WDR41: variants seen among roughly 807,000 people sequenced by gnomAD.
The protein encoded by WDR41 is WD repeat-containing protein 41.
In WDR41, 63 loss-of-function variants were observed where a neutral mutation model predicts 69.3. The observed-to-expected ratio is 0.91, with a 90% confidence interval of 0.74 to 1.12. The LOEUF (loss-of-function observed/expected upper bound fraction) is 1.12, where lower values mean the gene tolerates loss of function less well. Ranked by LOEUF, WDR41 falls within the 50% of genes most tolerant of loss-of-function variation. The pLI is 0.00. For synonymous variants in WDR41, 185 were observed against 192.1 expected, an observed-to-expected ratio of 0.96 and a Z score of 0.31; for missense variants, 543 against 534.5, an observed-to-expected ratio of 1.02 and a Z score of -0.16.
At chr5:77,508,986 A>G (rs1802155933) in intron 1 of WDR41, among the ~76,000 whole-genome samples, 1 of 152,146 alleles carries the variant, frequency 6.6e-6, no homozygotes, top group Non-Finnish European at 1.5e-5. Context: ...CCTGTGGTAT[A>G]AATGGTTCTA....
intron 1 of WDR41, among the ~76,000 whole-genome samples, chr5:77,541,435 T>C (rs1407528170): frequency 1.3e-5 from 2 of 150,792 alleles, no homozygotes; most frequent in African/African-American, 4.9e-5. Flanking sequence ...TGGCTATTAT[T>C]AAAAAGTCAG....
Position 77,464,370 on chromosome 5 carries a change from C to T in WDR41, c.216+391G>A, listed in dbSNP as rs192222043. Among the ~76,000 whole-genome samples, 17 of 145,966 alleles carry T rather than the reference C, an allele frequency of 1.2e-4. No homozygotes were observed. The East Asian group carries it at 3.0e-3, about 26-fold the overall frequency. On this transcript the variant is annotated intron_variant, in intron 3 of 12. Coordinates refer to ENST00000296679, the MANE Select transcript of WDR41 (RefSeq NM_018268.4). Reference sequence around the variant, plus strand: ...TCGGCTCACTGCAACCTCAGTCTCCCGAGTAACTGGGATTACAGGCATGTG... The same window carrying T: ...TCGGCTCACTGCAACCTCAGTCTCCTGAGTAACTGGGATTACAGGCATGTG...
intron 1 of WDR41, among the ~76,000 whole-genome samples, chr5:77,572,401 C>A (rs1466390623): frequency 1.3e-5 from 2 of 152,180 alleles, no homozygotes; most frequent in African/African-American, 2.4e-5. Flanking sequence ...TAAAAGCTCT[C>A]AAGAGTATTC....
At chr5:77,464,166 T>C (rs1161060550) in intron 3 of WDR41, among the ~76,000 whole-genome samples, 1 of 152,198 alleles carries the variant, frequency 6.6e-6, no homozygotes, top group African/African-American at 2.4e-5. Flanking sequence ...CATTTATTCA[T>C]TTTGGAAGTC....
At chr5:77,492,135 T>C (rs753909568) in intron 1 of WDR41, 35 bp downstream of exon 1, 28 of 1,600,868 alleles carry the variant, frequency 1.7e-5, no homozygotes, top group Non-Finnish European at 2.4e-5. Flanking sequence ...TCCAGCAAGC[T>C]CGACGGACGC....
chr5:77,478,642 T>C (rs1211547017), intron 2 of WDR41, among the ~76,000 whole-genome samples: 7 of 152,116 alleles, frequency 4.6e-5, no homozygotes, highest in Non-Finnish European at 1.5e-5. Flanking sequence ...ATGCTAAAAA[T>C]TCTCAATAAA....
intron 1 of WDR41, among the ~76,000 whole-genome samples, chr5:77,605,724 G>A (rs1744403499): frequency 6.6e-6 from 1 of 152,214 alleles, no homozygotes; most frequent in East Asian, 1.9e-4. Context: ...TAGGGCCCTC[G>A]TGGTTCCTGC....
At chr5:77,477,358 C>A (rs1333509018) in intron 2 of WDR41, among the ~76,000 whole-genome samples, 208 of 144,014 alleles carry the variant, frequency 1.4e-3, no homozygotes, top group African/African-American at 5.5e-3. Flanking sequence ...CACCCCAAAT[C>A]AACAGAATAT....
chr5:77,451,815 A>C (rs1799638452), intron 6 of WDR41: 1 of 154,874 alleles, frequency 6.5e-6, no homozygotes, highest in African/African-American at 2.4e-5. Context: ...GCCTTCAAAT[A>C]GCATGTTTGT....
intron 2 of WDR41, among the ~76,000 whole-genome samples, chr5:77,474,852 C>T (rs978406567): frequency 1.3e-5 from 2 of 152,132 alleles, no homozygotes; most frequent in Non-Finnish European, 2.9e-5. Context: ...TCTACAGCTC[C>T]CAGCGTGAGC....
chr5:77,542,491 AT>A, intron 1 of WDR41, among the ~76,000 whole-genome samples: 1 of 152,212 alleles, frequency 6.6e-6, no homozygotes, highest in Admixed American at 6.5e-5. Flanking sequence ...AAAAATGTAG[AT>A]ATGTGATAGA....
chr5:77,528,056 A>G (rs907366528), intron 1 of WDR41, among the ~76,000 whole-genome samples: 4 of 151,760 alleles, frequency 2.6e-5, no homozygotes, highest in Non-Finnish European at 5.9e-5. Flanking sequence ...AGAAAATAAT[A>G]AAGATTATAT....
chr5:77,550,667 G>A (rs1743279431), intron 1 of WDR41, among the ~76,000 whole-genome samples: 1 of 152,192 alleles, frequency 6.6e-6, no homozygotes, highest in African/African-American at 2.4e-5. Context: ...ACTGTGGAAT[G>A]CAGTTTGGAG....
chr5:77,494,895 G>T (rs1009096847), upstream of WDR41, among the ~76,000 whole-genome samples: 2 of 152,112 alleles, frequency 1.3e-5, no homozygotes, highest in Admixed American at 1.3e-4. Flanking sequence ...TAGACCATAT[G>T]TTAGGCCACA....
intron 2 of WDR41, among the ~76,000 whole-genome samples, chr5:77,478,260 G>A (rs891830403): frequency 1.3e-5 from 2 of 152,160 alleles, no homozygotes; most frequent in African/African-American, 4.8e-5. Flanking sequence ...GGAGGAACTG[G>A]TACAATTCCT....
At chr5:77,494,039 G>T (rs1213521153), upstream of WDR41, among the ~76,000 whole-genome samples, 2 of 152,066 alleles carry the variant, frequency 1.3e-5, no homozygotes, top group African/African-American at 4.8e-5. Flanking sequence ...AAAGGGTGGG[G>T]GTGGAGCAAT....
At chr5:77,553,677 CA>C (rs1379930215) in intron 1 of WDR41, among the ~76,000 whole-genome samples, 9 of 151,864 alleles carry the variant, frequency 5.9e-5, no homozygotes, top group African/African-American at 1.9e-4. Flanking sequence ...TAAAAATAAG[CA>C]CATGAAAAGA....
At chr5:77,464,273 A>ATTTTTTT (rs772388660) in intron 3 of WDR41, among the ~76,000 whole-genome samples, 1 of 95,484 alleles carries the variant, frequency 1.0e-5, no homozygotes. Context: ...TTAGGAAAAA[A>ATTTTTTT]CTTTTTTTTT....
At chr5:77,442,619 G>A (rs752206857) in intron 8 of WDR41, among the ~76,000 whole-genome samples, 3 of 151,886 alleles carry the variant, frequency 2.0e-5, no homozygotes, top group Non-Finnish European at 4.4e-5. Flanking sequence ...AAAGCCGGGT[G>A]CGGTGGCTCA....
Sources: allele counts gnomAD v4.1 joint callset (sites outside exome capture counted in the v4.1 genomes callset), GRCh38; gene constraint gnomAD v4.1.1; transcripts MANE v1.5; gene names NCBI Gene and HGNC (gene_info 2026-07-23, HGNC 2026-07-21).